Variants in LRRTM4 observed in about 807,000 individuals in gnomAD.
LRRTM4 encodes leucine-rich repeat transmembrane neuronal protein 4.
A neutral mutation model predicts 47.6 loss-of-function variants in LRRTM4; 25 were observed. That is an observed-to-expected ratio of 0.53 (90% CI 0.38 to 0.73). The LOEUF (loss-of-function observed/expected upper bound fraction) is 0.73, where lower values mean the gene tolerates loss of function less well. Among genes scored for constraint, LRRTM4 ranks in the 30% least tolerant of loss-of-function variants. The pLI, the probability that LRRTM4 is intolerant of heterozygous loss-of-function variation, is 0.00. For missense variants in LRRTM4, 638 were observed against 713.4 expected, an observed-to-expected ratio of 0.89 and a Z score of 1.20; for synonymous variants, 311 against 269.5, an observed-to-expected ratio of 1.15 and a Z score of -1.51.
chr2:77,261,778 C>T (rs1453973380), intron 3 of LRRTM4, among the ~76,000 whole-genome samples: 2 of 152,004 alleles, frequency 1.3e-5, no homozygotes, highest in East Asian at 1.9e-4. Context: ...TCCCTGTATA[C>T]ACATTTTTAA....
At chr2:77,424,394 G>A (rs549663792) in intron 3 of LRRTM4, among the ~76,000 whole-genome samples, 25 of 151,846 alleles carry the variant, frequency 1.6e-4, no homozygotes, top group Non-Finnish European at 2.9e-4. Flanking sequence ...CTACTTTTTG[G>A]CATTCGCAAG....
At chr2:76,935,497 T>C (rs1674914881) in intron 3 of LRRTM4, among the ~76,000 whole-genome samples, 1 of 152,210 alleles carries the variant, frequency 6.6e-6, no homozygotes, top group Non-Finnish European at 1.5e-5. Context: ...GGAAAGTTTT[T>C]CCATTTGTTT....
chr2:77,080,307 T>C (rs543591419), intron 3 of LRRTM4, among the ~76,000 whole-genome samples: 1 of 152,318 alleles, frequency 6.6e-6, no homozygotes, highest in African/African-American at 2.4e-5. Flanking sequence ...TTCAGCCTCA[T>C]GTTAACTGTC....
At chr2:76,989,626 A>T (rs1410119192) in intron 3 of LRRTM4, among the ~76,000 whole-genome samples, 2 of 151,780 alleles carry the variant, frequency 1.3e-5, no homozygotes, top group East Asian at 1.9e-4. Flanking sequence ...AAGGTTGCTT[A>T]ATCTCCCTAA....
At chr2:77,516,035 C>T (rs903179394) in intron 3 of LRRTM4, among the ~76,000 whole-genome samples, 13 of 151,708 alleles carry the variant, frequency 8.6e-5, no homozygotes, top group Non-Finnish European at 1.6e-4. Flanking sequence ...TATAGCACCC[C>T]CCTCCTCATC....
intron 3 of LRRTM4, among the ~76,000 whole-genome samples, chr2:76,933,435 G>T (rs1380437416): frequency 6.6e-6 from 1 of 151,896 alleles, no homozygotes; most frequent in Non-Finnish European, 1.5e-5. Flanking sequence ...TTGCTGTAAG[G>T]ATCAAATTTT....
At chr2:77,332,898 T>C (rs182345270) in intron 3 of LRRTM4, among the ~76,000 whole-genome samples, 1 of 152,240 alleles carries the variant, frequency 6.6e-6, no homozygotes, top group Admixed American at 6.5e-5. Flanking sequence ...TCAAACCTCA[T>C]CTTGAACTGT....
chr2:77,309,214 C>T (rs1481983503), intron 3 of LRRTM4, among the ~76,000 whole-genome samples: 1 of 152,040 alleles, frequency 6.6e-6, no homozygotes, highest in Non-Finnish European at 1.5e-5. Context: ...ATAACATTAG[C>T]ATAGAAACAT....
At chr2:77,367,339 A>C (rs371130050) in intron 3 of LRRTM4, among the ~76,000 whole-genome samples, 9 of 151,610 alleles carry the variant, frequency 5.9e-5, no homozygotes, top group African/African-American at 1.7e-4. Context: ...GGAGGCTGTC[A>C]ATTTTTTTTC....
intron 3 of LRRTM4, among the ~76,000 whole-genome samples, chr2:77,512,515 A>G (rs1679059486): frequency 1.3e-5 from 2 of 152,294 alleles, no homozygotes; most frequent in African/African-American, 4.8e-5. Context: ...TTCACTGATC[A>G]AAAGACATAC....
intron 3 of LRRTM4, among the ~76,000 whole-genome samples, chr2:77,447,693 T>A (rs1676107779): frequency 6.6e-6 from 1 of 152,192 alleles, no homozygotes; most frequent in South Asian, 2.1e-4. Context: ...TCTTTTAATA[T>A]GTCATTGACA....
chr2:77,477,780 G>T (rs557496459), intron 3 of LRRTM4, among the ~76,000 whole-genome samples: 1 of 148,300 alleles, frequency 6.7e-6, no homozygotes, highest in East Asian at 2.0e-4. Context: ...TAGAGGTTGC[G>T]GTGAGCCCAG....
chr2:76,936,584 A>AT (rs1491554568), intron 3 of LRRTM4, among the ~76,000 whole-genome samples: 11 of 137,828 alleles, frequency 8.0e-5, no homozygotes, highest in Admixed American at 3.6e-4. Context: ...TTAAAGTATA[A>AT]TAAAAAAAAA....
At chr2:76,856,733 A>G (rs529393823) in intron 3 of LRRTM4, among the ~76,000 whole-genome samples, 2 of 152,240 alleles carry the variant, frequency 1.3e-5, no homozygotes, top group Non-Finnish European at 2.9e-5. Flanking sequence ...TCTTTCCCTT[A>G]TATGTCATTA....
intron 3 of LRRTM4, among the ~76,000 whole-genome samples, chr2:77,228,194 T>G (rs2103964715): frequency 6.6e-6 from 1 of 152,258 alleles, no homozygotes; most frequent in East Asian, 1.9e-4. Context: ...AAGATATTAT[T>G]ATTTGGGTGC....
intron 3 of LRRTM4, among the ~76,000 whole-genome samples, chr2:77,487,387 T>A (rs776135065): frequency 6.6e-6 from 1 of 152,230 alleles, no homozygotes; most frequent in Admixed American, 6.5e-5. Flanking sequence ...TGTGGCCGAC[T>A]GGGCACTGTC....
At chr2:76,878,203 A>G (rs1010949466) in intron 3 of LRRTM4, among the ~76,000 whole-genome samples, 4 of 152,112 alleles carry the variant, frequency 2.6e-5, no homozygotes, top group Non-Finnish European at 4.4e-5. Context: ...AGCAAACGGC[A>G]CTCATATAAA....
At chr2:76,947,955 C>T (rs1161040236) in intron 3 of LRRTM4, among the ~76,000 whole-genome samples, 2 of 151,888 alleles carry the variant, frequency 1.3e-5, no homozygotes, top group Non-Finnish European at 2.9e-5. Flanking sequence ...CTCCCTTCTA[C>T]TCTGGACTGA....
At chr2:77,420,687 T>A (rs1367924200) in intron 3 of LRRTM4, among the ~76,000 whole-genome samples, 4 of 149,728 alleles carry the variant, frequency 2.7e-5, no homozygotes, top group African/African-American at 4.9e-5. Flanking sequence ...GAGCCTTGTC[T>A]TTTTTTTACT....
Sources: allele counts gnomAD v4.1 joint callset (sites outside exome capture counted in the v4.1 genomes callset), GRCh38; gene constraint gnomAD v4.1.1; transcripts MANE v1.5; gene names NCBI Gene and HGNC (gene_info 2026-07-23, HGNC 2026-07-21).